GRM7: variants seen among roughly 807,000 people sequenced by gnomAD.
GRM7 encodes glutamate metabotropic receptor 7.
In GRM7, 35 loss-of-function variants were observed where a neutral mutation model predicts 84.5. The ratio of observed to expected loss-of-function variants is 0.41; its 90% confidence interval spans 0.32 to 0.55. GRM7 has a LOEUF of 0.55. Among genes scored for constraint, GRM7 ranks in the 20% least tolerant of loss-of-function variants. GRM7 has a pLI of 0.19. For missense variants in GRM7, 1,003 were observed against 1,194.6 expected (o/e 0.84, Z 2.36); for synonymous variants, 487 against 455.1 (o/e 1.07, Z -0.89).
intron 1 of GRM7, among the ~76,000 whole-genome samples, chr3:6,969,266 T>C (rs973306743): frequency 6.6e-6 from 1 of 152,206 alleles, no homozygotes; most frequent in African/African-American, 2.4e-5. Flanking sequence ...GCCTGACTAA[T>C]ATAGGTCATT....
chr3:7,461,895 G>A (rs1373268940), intron 7 of GRM7, among the ~76,000 whole-genome samples, 173 bp downstream of exon 7: 1 of 152,130 alleles, frequency 6.6e-6, no homozygotes, highest in Non-Finnish European at 1.5e-5. Flanking sequence ...TGGTGATGAC[G>A]ATGATGGGAA....
intron 6 of GRM7, among the ~76,000 whole-genome samples, chr3:7,454,096 T>A (rs142637926): frequency 0.46 from 67,542 of 146,448 alleles, 17,477 homozygotes; most frequent in Non-Finnish European, 0.6. Flanking sequence ...ACACACTCTC[T>A]CTCTCTCTCT....
chr3:7,424,054 C>T (rs934186957), intron 5 of GRM7, among the ~76,000 whole-genome samples: 3 of 152,090 alleles, frequency 2.0e-5, no homozygotes, highest in Non-Finnish European at 2.9e-5. Flanking sequence ...GGGTTTGAAT[C>T]CCAGCTGTTT....
chr3:7,454,762 A>G (rs981843850), intron 6 of GRM7, among the ~76,000 whole-genome samples: 1 of 152,126 alleles, frequency 6.6e-6, no homozygotes. Context: ...GTGTTGGATT[A>G]CAATATGTAT....
chr3:7,362,070 A>G (rs1001057698), intron 4 of GRM7, among the ~76,000 whole-genome samples: 1 of 152,080 alleles, frequency 6.6e-6, no homozygotes. Flanking sequence ...TGTCAGTACT[A>G]TTGTGCCTCA....
chr3:7,009,998 A>G, intron 1 of GRM7, among the ~76,000 whole-genome samples: 1 of 152,230 alleles, frequency 6.6e-6, no homozygotes, highest in Admixed American at 6.5e-5. Flanking sequence ...GGCATTAATA[A>G]CAATTGACTT....
chr3:7,363,785 C>A (rs780577700), intron 4 of GRM7, among the ~76,000 whole-genome samples: 22 of 152,106 alleles, frequency 1.4e-4, no homozygotes, highest in Admixed American at 1.3e-3. Flanking sequence ...AATTCTACAT[C>A]TTCAACCCTT....
At chr3:7,128,872 C>A (rs186584940) in intron 1 of GRM7, among the ~76,000 whole-genome samples, 1 of 152,052 alleles carries the variant, frequency 6.6e-6, no homozygotes, top group East Asian at 1.9e-4. Flanking sequence ...CATGGAGAAA[C>A]ATTATGGCAG....
chr3:7,693,684 TTGTC>T (rs1257470148), intron 9 of GRM7: 20 of 1,522,946 alleles, frequency 1.3e-5, no homozygotes, highest in African/African-American at 2.7e-5. Flanking sequence ...AGTCAAGCGA[TTGTC>T]TGAGGCAAGT....
intron 1 of GRM7, among the ~76,000 whole-genome samples, chr3:6,933,556 C>G (rs1286186809): frequency 6.6e-6 from 1 of 152,058 alleles, no homozygotes; most frequent in East Asian, 1.9e-4. Flanking sequence ...ATATAAAATG[C>G]AACTTGCAAC....
At chr3:7,288,295 G>A (rs933367810) in intron 2 of GRM7, among the ~76,000 whole-genome samples, 1 of 152,008 alleles carries the variant, frequency 6.6e-6, no homozygotes, top group Non-Finnish European at 1.5e-5. Context: ...CCATTTAGAT[G>A]ACTTTGATAG....
At chr3:7,380,158 T>G (rs1694527896) in intron 4 of GRM7, among the ~76,000 whole-genome samples, 1 of 152,176 alleles carries the variant, frequency 6.6e-6, no homozygotes, top group African/African-American at 2.4e-5. Flanking sequence ...CTGGTGACAT[T>G]TCAGGAGAAA....
At chr3:7,121,097 T>C (rs1693201470) in intron 1 of GRM7, among the ~76,000 whole-genome samples, 1 of 152,180 alleles carries the variant, frequency 6.6e-6, no homozygotes, top group Non-Finnish European at 1.5e-5. Flanking sequence ...TCAATAATTG[T>C]TTGTTGAACT....
intron 8 of GRM7, among the ~76,000 whole-genome samples, chr3:7,584,877 G>A (rs1472976860): frequency 6.6e-6 from 1 of 152,014 alleles, no homozygotes; most frequent in Non-Finnish European, 1.5e-5. Flanking sequence ...TAACATTGCC[G>A]ACTATTTAAT....
At chr3:7,723,933 T>C (rs185647529) in intron 9 of GRM7, among the ~76,000 whole-genome samples, 304 of 152,280 alleles carry the variant, frequency 2.0e-3, no homozygotes, top group Middle Eastern at 0.014. Flanking sequence ...TTGAATCTAA[T>C]ATACTTGTTG....
In GRM7 at chr3:7,479,459, A is replaced by C. The variant is rs187702223; in HGVS notation, c.1515+17737A>C. On this transcript the variant is annotated intron_variant, in intron 7 of 9. Transcript: ENST00000357716. ...ATGCTGAGTATGTTGACCTGTATAG[A>C]AAATGCCTGCCAGATGACAGCACCT... Among the ~76,000 whole-genome samples the C allele has an allele frequency of 4.6e-5, 7 of 152,252 alleles. No individual in the cohort carries two copies. The East Asian group carries it at 1.4e-3, about 30-fold the overall frequency.
intron 8 of GRM7, among the ~76,000 whole-genome samples, chr3:7,583,223 A>G (rs953096099): frequency 4.6e-5 from 7 of 152,226 alleles, no homozygotes; most frequent in African/African-American, 1.4e-4. Context: ...AGATAGCAAT[A>G]GAATAGGTAG....
chr3:6,952,411 C>A (rs917439230), intron 1 of GRM7, among the ~76,000 whole-genome samples: 10 of 152,154 alleles, frequency 6.6e-5, no homozygotes, highest in Admixed American at 1.3e-4. Context: ...GAGGGAGAAA[C>A]CCTTTGTGGA....
At chr3:6,931,572 T>C (rs1353458573) in intron 1 of GRM7, among the ~76,000 whole-genome samples, 1 of 152,208 alleles carries the variant, frequency 6.6e-6, no homozygotes, top group East Asian at 1.9e-4. Context: ...TTGCTGAGGA[T>C]CCCTTCTCCA....
Sources: gnomAD v4.1 joint callset for allele counts (sites outside exome capture counted in the v4.1 genomes callset) on GRCh38, gnomAD v4.1.1 for gene constraint, MANE v1.5 for transcripts, NCBI Gene and HGNC (gene_info 2026-07-23, HGNC 2026-07-21) for gene names.